The following MTHFD2L variants were observed in gnomAD, a reference collection of about 807,000 sequenced individuals.
MTHFD2L encodes the protein methylenetetrahydrofolate dehydrogenase (NADP+ dependent) 2 like, also known as bifunctional methylenetetrahydrofolate dehydrogenase/cyclohydrolase 2, mitochondrial.
MTHFD2L carries 29 observed loss-of-function variants against 34.9 expected under a neutral mutation model. The observed-to-expected ratio is 0.83, with a 90% CI of 0.62 to 1.13. The LOEUF (loss-of-function observed/expected upper bound fraction) is 1.13. Ranked by LOEUF, MTHFD2L falls within the 50% of genes most tolerant of loss-of-function variation. The pLI is 0.00. For synonymous variants in MTHFD2L, 167 were observed against 155.7 expected (o/e 1.07, Z -0.54); for missense variants, 481 against 446.5 (o/e 1.08, Z -0.70).
intron 6 of MTHFD2L, among the ~76,000 whole-genome samples, chr4:74,262,158 A>G (rs1402362044): frequency 2.6e-5 from 4 of 152,014 alleles, no homozygotes; most frequent in African/African-American, 9.7e-5. Flanking sequence ...ACTTCAATCA[A>G]TAGTATTAAA....
chr4:74,301,748 C>T lies in MTHFD2L; in HGVS notation c.983C>T (p.Pro328Leu). Residue 328 changes from proline to leucine, a missense_variant, in exon 8 of 8, where the codon CCC becomes CTC. Physicochemically the swap from Pro to Leu is moderately conservative, Grantham distance 98. Coordinates refer to ENST00000325278, the MANE Select transcript of MTHFD2L (RefSeq NM_001144978.3). ...ACTCCAGTTCCAGGAGGTGTGGGACCCATGACAGTGGCAATGCTTCTGAAG... is the reference window on the plus strand; with the variant it reads ...ACTCCAGTTCCAGGAGGTGTGGGACTCATGACAGTGGCAATGCTTCTGAAG... ...FITPVPGGVG[P>L]MTVAMLLKNT... The T allele has an allele frequency of 6.2e-7, 1 of 1,607,726 alleles. No homozygotes were observed. Among genetic ancestry groups the T allele is most frequent in the Non-Finnish European group, 8.5e-7 (1 of 1,176,620 alleles).
At chr4:74,186,025 TTCA>T (rs979136695) in intron 3 of MTHFD2L, among the ~76,000 whole-genome samples, 81 of 152,236 alleles carry the variant, frequency 5.3e-4, no homozygotes, top group African/African-American at 1.9e-3. Flanking sequence ...TAGAAAACAA[TTCA>T]TCATGACCAA....
chr4:74,285,267 C>T (rs1177370362), intron 7 of MTHFD2L, among the ~76,000 whole-genome samples: 2 of 151,656 alleles, frequency 1.3e-5, no homozygotes, highest in Non-Finnish European at 2.9e-5. Flanking sequence ...GTGCAGCACA[C>T]CCACATGGCA....
chr4:74,121,760 G>T (rs1721775896), upstream of MTHFD2L, among the ~76,000 whole-genome samples: 1 of 148,584 alleles, frequency 6.7e-6, no homozygotes, highest in Non-Finnish European at 1.5e-5. Flanking sequence ...AATAATAATA[G>T]AAATAAAGTA....
In MTHFD2L at chr4:74,117,473, TA is replaced by T; in HGVS notation, c.-144+2818del. Among the ~76,000 whole-genome samples, 4 of 152,282 alleles carry T rather than the reference TA, an allele frequency of 2.6e-5. No homozygotes were observed. In the South Asian group the frequency reaches 6.2e-4, roughly 24 times the overall value. On this transcript the variant is annotated intron_variant and NMD_transcript_variant, in intron 2 of 9. Transcript: ENST00000429519. The stretch of plus-strand genomic sequence containing the variant: ...GCCTGGAGAACAAACCTTCAGATCT[TA>T]ATCTGTACAGGGAGGTGGAGGGTGA...
intron 6 of MTHFD2L, among the ~76,000 whole-genome samples, chr4:74,259,681 A>T (rs1744444907): frequency 6.6e-6 from 1 of 152,208 alleles, no homozygotes; most frequent in Non-Finnish European, 1.5e-5. Flanking sequence ...GATAATTTGG[A>T]GGAGACTGGT....
upstream of MTHFD2L, chr4:74,157,784 G>T (rs994349716): frequency 2.0e-6 from 1 of 494,172 alleles, no homozygotes; most frequent in Non-Finnish European, 4.0e-6. Context: ...AAAGTGGGGC[G>T]TGCTGCCTAA....
Position 74,266,177 on chromosome 4 carries a change from A to C in MTHFD2L, c.806-15248A>C, listed in dbSNP as rs112641765. Among the ~76,000 whole-genome samples the C allele has an allele frequency of 9.2e-3, 1,395 of 152,342 alleles. 10 individuals are homozygous for C. Among genetic ancestry groups the C allele is most frequent in the Non-Finnish European group, 0.014 (961 of 68,036 alleles). On this transcript the variant is annotated intron_variant, in intron 6 of 7. Transcript: ENST00000325278. ...CATAGCAGAAACTCAAGCTTCATCT[A>C]TGTGGACTCTTATGTTGTTCCAGAG... is the stretch of plus-strand genomic sequence containing the variant.
At chr4:74,154,705 A>C (rs1724140676), upstream of MTHFD2L, among the ~76,000 whole-genome samples, 1 of 152,086 alleles carries the variant, frequency 6.6e-6, no homozygotes. Flanking sequence ...CTGAGCCTAG[A>C]ATCAGCAATT....
rs748472967 is a variant in MTHFD2L at position 74,225,439 on chromosome 4, A to G, written c.805+45A>G. The G allele has an allele frequency of 5.4e-6, 8 of 1,478,664 alleles. No individual in the cohort carries two copies. In the South Asian group the frequency reaches 6.9e-5, roughly 13 times the overall value. The allele number at this position is 1,478,664 out of a possible 1,614,324, so 91.6% of individuals were successfully genotyped here. A position where few individuals can be genotyped will look rare whatever the true frequency, so the allele number is the denominator to read the frequency against. On this transcript the variant is annotated intron_variant, in intron 6 of 7. Transcript: ENST00000325278. Reference sequence around the variant, plus strand: ...TATTTTTTGGAATGTCATCAGCAGAATAATTCCTGCCCTAAATGCTGACAT... The same window carrying G: ...TATTTTTTGGAATGTCATCAGCAGAGTAATTCCTGCCCTAAATGCTGACAT...
At position 74,117,049 on chromosome 4, in the gene MTHFD2L, C is replaced by G. The variant is rs145959509; in HGVS notation, c.-144+2392C>G. ...GATTTATCCTCAGGGTAACAATATTCTATAACTCCTTTGATCTTGAGGCCT... is the reference window on the plus strand; with the variant it reads ...GATTTATCCTCAGGGTAACAATATTGTATAACTCCTTTGATCTTGAGGCCT... On this transcript the variant is annotated intron_variant and NMD_transcript_variant, in intron 2 of 9. Coordinates refer to the MTHFD2L transcript ENST00000429519. 5.1e-3 allele frequency among the ~76,000 whole-genome samples: 782 copies of G among 152,338 alleles called. 4 individuals are homozygous for G. Among genetic ancestry groups the G allele is most frequent in the Non-Finnish European group, 8.4e-3 (574 of 68,042 alleles).
At chr4:74,239,702 C>T (rs1262793943) in intron 6 of MTHFD2L, among the ~76,000 whole-genome samples, 1 of 152,106 alleles carries the variant, frequency 6.6e-6, no homozygotes, top group Non-Finnish European at 1.5e-5. Context: ...GTGCAGATTG[C>T]AGGCAATTCA....
At chr4:74,209,846 T>A (rs1735998943) in intron 5 of MTHFD2L, among the ~76,000 whole-genome samples, 1 of 152,210 alleles carries the variant, frequency 6.6e-6, no homozygotes, top group South Asian at 2.1e-4. Flanking sequence ...CCACATCTTC[T>A]CCAGCATCTG....
intron 5 of MTHFD2L, among the ~76,000 whole-genome samples, chr4:74,223,198 C>A (rs1041362480): frequency 4.0e-5 from 6 of 151,746 alleles, no homozygotes; most frequent in African/African-American, 1.5e-4. Context: ...TAATGGTAGA[C>A]TAGATAAAGA....
At chr4:74,188,074 C>T (rs1731669895) in intron 3 of MTHFD2L, among the ~76,000 whole-genome samples, 2 of 151,784 alleles carry the variant, frequency 1.3e-5, no homozygotes, top group African/African-American at 4.8e-5. Flanking sequence ...ATAGATTAAT[C>T]TCAAAGTAAT....
intron 6 of MTHFD2L, among the ~76,000 whole-genome samples, chr4:74,253,113 C>G (rs1743538071): frequency 6.6e-6 from 1 of 152,092 alleles, no homozygotes; most frequent in Non-Finnish European, 1.5e-5. Flanking sequence ...CCCAGCTAAA[C>G]TGTCACTCAG....
intron 1 of MTHFD2L, among the ~76,000 whole-genome samples, chr4:74,173,870 A>C (rs545566595): frequency 6.6e-6 from 1 of 152,310 alleles, no homozygotes; most frequent in Admixed American, 6.5e-5. Context: ...TATATAATAT[A>C]TATGTTTTAT....
chr4:74,162,468 G>A (rs887780902), intron 1 of MTHFD2L, among the ~76,000 whole-genome samples: 5 of 151,020 alleles, frequency 3.3e-5, no homozygotes, highest in African/African-American at 1.2e-4. Context: ...CTAAAGTGAG[G>A]GTGTGTGTAT....
chr4:74,179,984 T>C (rs1340405114), intron 3 of MTHFD2L, among the ~76,000 whole-genome samples: 1 of 152,132 alleles, frequency 6.6e-6, no homozygotes, highest in African/African-American at 2.4e-5. Context: ...TTTTTAGTTC[T>C]TGAGAGTCTT....
Sources: allele counts gnomAD v4.1 joint callset (sites outside exome capture counted in the v4.1 genomes callset), GRCh38; gene constraint gnomAD v4.1.1; transcripts MANE v1.5; gene names NCBI Gene and HGNC (gene_info 2026-07-23, HGNC 2026-07-21).